CACNB4: variants seen among roughly 807,000 people sequenced by gnomAD.
The protein encoded by CACNB4 is calcium voltage-gated channel auxiliary subunit beta 4, also known as voltage-dependent L-type calcium channel subunit beta-4.
A neutral mutation model predicts 71.2 loss-of-function variants in CACNB4; 32 were observed. That is an observed-to-expected ratio of 0.45 (90% confidence interval 0.34 to 0.60). The LOEUF (loss-of-function observed/expected upper bound fraction) is 0.60, where lower values mean the gene tolerates loss of function less well. CACNB4 is among the 20% of genes least tolerant of loss of function. CACNB4 has a pLI of 0.01. For missense variants in CACNB4, 464 were observed against 647.9 expected, an observed-to-expected ratio of 0.72 and a Z score of 3.08; for synonymous variants, 231 against 236.9, an observed-to-expected ratio of 0.97 and a Z score of 0.23.
intron 2 of CACNB4, among the ~76,000 whole-genome samples, chr2:152,012,098 TAA>T (rs57150855): frequency 1.8e-3 from 266 of 146,112 alleles, no homozygotes; most frequent in Middle Eastern, 3.5e-3. Context: ...TTCTATTTAT[TAA>T]AAAAAAAAAA....
At chr2:152,087,520 T>C (rs953601964) in intron 2 of CACNB4, among the ~76,000 whole-genome samples, 5 of 151,426 alleles carry the variant, frequency 3.3e-5, no homozygotes, top group Non-Finnish European at 5.9e-5. Context: ...AAGAATATGA[T>C]CCATCCTATT....
At chr2:151,852,645 G>C (rs2099839366) in intron 12 of CACNB4, 1 of 152,226 alleles carries the variant, frequency 6.6e-6, no homozygotes, top group Admixed American at 6.5e-5. Flanking sequence ...TCTGGCTCCA[G>C]AGTCTGTGCT....
intron 2 of CACNB4, among the ~76,000 whole-genome samples, chr2:151,892,715 T>A (rs1023390063): frequency 1.3e-5 from 2 of 152,214 alleles, no homozygotes; most frequent in African/African-American, 4.8e-5. Context: ...TTACCAGTTT[T>A]GTGGTCCTCA....
intron 2 of CACNB4, among the ~76,000 whole-genome samples, chr2:151,937,139 C>T (rs1166736532): frequency 6.6e-6 from 1 of 152,268 alleles, no homozygotes; most frequent in East Asian, 1.9e-4. Context: ...GTTTTCTCAT[C>T]GGAAACCACT....
intron 2 of CACNB4, among the ~76,000 whole-genome samples, chr2:151,899,956 A>G (rs543023993): frequency 2.0e-5 from 3 of 152,326 alleles, no homozygotes; most frequent in Admixed American, 2.0e-4. Flanking sequence ...CCATAAAAGT[A>G]CCATAACAAA....
intron 9 of CACNB4, chr2:151,866,819 C>T (rs1296787665): frequency 6.6e-6 from 1 of 152,064 alleles, no homozygotes; most frequent in Non-Finnish European, 1.5e-5. Flanking sequence ...ATTACTTTTG[C>T]TACTGCTGGG....
chr2:151,943,885 C>T (rs2099864886), intron 2 of CACNB4, among the ~76,000 whole-genome samples: 1 of 152,202 alleles, frequency 6.6e-6, no homozygotes, highest in Non-Finnish European at 1.5e-5. Flanking sequence ...ATTTTACCTA[C>T]ATTCAAGAAA....
chr2:152,042,699 T>C (rs1394912188), intron 2 of CACNB4, among the ~76,000 whole-genome samples: 6 of 152,204 alleles, frequency 3.9e-5, no homozygotes, highest in Non-Finnish European at 8.8e-5. Context: ...TTTATTTTAT[T>C]TTTTTAGAGA....
Position 151,855,212 on chromosome 2 carries a change from G to C in CACNB4, c.1020+12C>G, listed in dbSNP as rs746365832. ...GCACTTCTAAACCTTAAGGCAGAAA[G>C]GAGCTAATTACCTTTGGAGATGAGA... On this transcript the variant is annotated intron_variant, in intron 11 of 13. Coordinates refer to ENST00000539935, the MANE Select transcript of CACNB4 (RefSeq NM_000726.5). 7 of 1,516,258 alleles carry C rather than the reference G, an allele frequency of 4.6e-6. No homozygotes were observed. The highest frequency in any genetic ancestry group is 1.4e-5 in the African/African-American group (1 of 73,430). 93.9% of individuals were successfully genotyped at this position (1,516,258 alleles called of 1,614,324 possible).
chr2:151,979,737 G>A (rs2099874402), intron 2 of CACNB4, among the ~76,000 whole-genome samples: 1 of 152,246 alleles, frequency 6.6e-6, no homozygotes, highest in Non-Finnish European at 1.5e-5. Flanking sequence ...GGGACAGACA[G>A]GGATGGCGTG....
chr2:151,961,701 G>A (rs1009842062), intron 2 of CACNB4, among the ~76,000 whole-genome samples: 1 of 151,956 alleles, frequency 6.6e-6, no homozygotes, highest in Non-Finnish European at 1.5e-5. Context: ...GATCAGCCTG[G>A]GCAACACAGT....
intron 2 of CACNB4, among the ~76,000 whole-genome samples, chr2:151,989,964 T>C (rs570227696): frequency 1.3e-5 from 2 of 152,312 alleles, no homozygotes; most frequent in South Asian, 4.1e-4. Flanking sequence ...CTCTCCTCTT[T>C]TTTCAGTCTC....
At chr2:151,978,818 G>A (rs1477474601) in intron 2 of CACNB4, among the ~76,000 whole-genome samples, 1 of 152,148 alleles carries the variant, frequency 6.6e-6, no homozygotes, top group African/African-American at 2.4e-5. Flanking sequence ...AGCCGCCAGA[G>A]CTGAGCCCAG....
intron 3 of CACNB4, among the ~76,000 whole-genome samples, chr2:151,882,759 G>A (rs1284298616): frequency 1.3e-5 from 2 of 152,176 alleles, no homozygotes; most frequent in African/African-American, 2.4e-5. Flanking sequence ...GGCCTTTATT[G>A]CTTGTCTTTG....
chr2:151,897,169 A>T (rs1383388350), intron 2 of CACNB4, among the ~76,000 whole-genome samples: 1 of 152,244 alleles, frequency 6.6e-6, no homozygotes, highest in Non-Finnish European at 1.5e-5. Flanking sequence ...GTCCTATGAG[A>T]GAAGTCAGGC....
At chr2:152,018,600 C>G (rs1290456440) in intron 2 of CACNB4, among the ~76,000 whole-genome samples, 1 of 152,000 alleles carries the variant, frequency 6.6e-6, no homozygotes, top group Non-Finnish European at 1.5e-5. Context: ...CCCAAGAGTT[C>G]GAGACCAGCC....
At chr2:151,846,304 G>A (rs574407044) in intron 12 of CACNB4, among the ~76,000 whole-genome samples, 1 of 152,226 alleles carries the variant, frequency 6.6e-6, no homozygotes, top group Admixed American at 6.5e-5. Flanking sequence ...AGGAAATGAA[G>A]CATATTCCAT....
chr2:151,977,617 G>A (rs2099874051), intron 2 of CACNB4, among the ~76,000 whole-genome samples: 1 of 152,220 alleles, frequency 6.6e-6, no homozygotes, highest in South Asian at 2.1e-4. Context: ...AAAAGCCAAA[G>A]TGAGAAGATT....
At chr2:151,931,845 T>C (rs1487695498) in intron 2 of CACNB4, among the ~76,000 whole-genome samples, 1 of 152,196 alleles carries the variant, frequency 6.6e-6, no homozygotes, top group Non-Finnish European at 1.5e-5. Context: ...AAATTTCCAT[T>C]AGTAAGTTAA....
Sources: allele counts gnomAD v4.1 joint callset (sites outside exome capture counted in the v4.1 genomes callset), GRCh38; gene constraint gnomAD v4.1.1; transcripts MANE v1.5; gene names NCBI Gene and HGNC (gene_info 2026-07-23, HGNC 2026-07-21).